SLF2: variants seen among roughly 807,000 people sequenced by gnomAD.
SLF2 encodes SMC5-SMC6 complex localization factor protein 2.
In SLF2, 68 loss-of-function variants were observed where a neutral mutation model predicts 124.3. The ratio of observed to expected loss-of-function variants is 0.55; its 90% CI spans 0.45 to 0.67. SLF2 has a LOEUF of 0.67. Among genes scored for constraint, SLF2 ranks in the 30% least tolerant of loss-of-function variants. The pLI is 0.00. For missense variants in SLF2, 1,246 were observed against 1,373.7 expected, an observed-to-expected ratio of 0.91 and a Z score of 1.47; for synonymous variants, 480 against 478.8, an observed-to-expected ratio of 1.00 and a Z score of -0.03.
At chr10:100,942,753 G>T (rs1290651959) in intron 11 of SLF2, among the ~76,000 whole-genome samples, 1 of 151,994 alleles carries the variant, frequency 6.6e-6, no homozygotes, top group African/African-American at 2.4e-5. Flanking sequence ...TCCTGACCTC[G>T]GGTGATCTGC....
At chr10:100,920,865 C>A (rs894915378) in intron 4 of SLF2, among the ~76,000 whole-genome samples, 8 of 152,200 alleles carry the variant, frequency 5.3e-5, no homozygotes, top group Non-Finnish European at 1.5e-5. Context: ...AGGAAAATTG[C>A]TTGAACCTGG....
chr10:100,915,098 T>C (rs981588381), intron 1 of SLF2, among the ~76,000 whole-genome samples: 7 of 152,202 alleles, frequency 4.6e-5, no homozygotes, highest in African/African-American at 1.7e-4. Flanking sequence ...ACTTTAGCAT[T>C]ATTGCCAATG....
chr10:100,930,907 TTGG>T, intron 8 of SLF2, 66 bp from the exon 9 acceptor site: 1 of 1,142,828 alleles, frequency 8.8e-7, no homozygotes, highest in Non-Finnish European at 1.3e-6. Context: ...GTCAGATGTG[TTGG>T]TGGTGATAGT....
intron 9 of SLF2, among the ~76,000 whole-genome samples, chr10:100,932,010 TA>T (rs1849745775): frequency 6.6e-6 from 1 of 151,674 alleles, no homozygotes; most frequent in Admixed American, 6.6e-5. Context: ...AAAAGACATT[TA>T]TATGGGAGGG....
At position 100,964,697 on chromosome 10, in the gene SLF2, T is replaced by C. The variant is rs1436530231; in HGVS notation, c.*2785T>C. The C allele has an allele frequency of 1.3e-5, 2 of 152,600 alleles. No individual in the cohort carries two copies. Among genetic ancestry groups the C allele is most frequent in the African/African-American group, 4.8e-5 (2 of 41,446 alleles). The allele number at this position is 152,600 out of a possible 1,614,324, so 9.5% of individuals were successfully genotyped here. ...TGGAGTATTTGCATTTTTATTTTTA[T>C]CAAAACAAATATAATTGGTGGGGAC... On this transcript the variant is annotated 3_prime_UTR_variant, in exon 20 of 20. Coordinates refer to ENST00000238961, the MANE Select transcript of SLF2 (RefSeq NM_018121.4).
chr10:100,948,385 A>T (rs184634058), intron 15 of SLF2, among the ~76,000 whole-genome samples: 2 of 152,314 alleles, frequency 1.3e-5, no homozygotes, highest in East Asian at 3.9e-4. Context: ...CGTCCCAGCT[A>T]CTTGGGAGGC....
rs1279709335 is a variant in SLF2 at position 100,956,481 on chromosome 10, G to C, written c.3361G>C (p.Glu1121Gln). Residue 1121 changes from glutamate (E) to glutamine (Q), a missense_variant, in exon 18 of 20, where the codon GAA becomes CAA. Around this residue, in one of 3 missense-constraint regions of SLF2, gnomAD observed 535 missense variants for 632.8 expected, o/e 0.85. Transcript: ENST00000238961. ...CTTTGTGCTACTCTGTGGGGCTTTG[G>C]AAAAGCATGTTAAATGTGATATTAG... is the stretch of plus-strand genomic sequence containing the variant. ...KHFVLLCGAL[E>Q]KHVKCDIRED... The C allele has an allele frequency of 1.2e-6, 2 of 1,613,308 alleles. No individual in the cohort carries two copies. The highest frequency in any genetic ancestry group is 1.7e-6 in the Non-Finnish European group (2 of 1,179,794).
chr10:100,933,785 T>C (rs1312055808), intron 9 of SLF2, among the ~76,000 whole-genome samples: 2 of 152,178 alleles, frequency 1.3e-5, no homozygotes, highest in East Asian at 3.9e-4. Flanking sequence ...GTTCAAGCAA[T>C]TCTCCTGCTC....
At chr10:100,960,819 CA>C (rs1564787308) in intron 19 of SLF2, among the ~76,000 whole-genome samples, 3 of 151,484 alleles carry the variant, frequency 2.0e-5, no homozygotes, top group East Asian at 3.9e-4. Flanking sequence ...CTAAGAGGGA[CA>C]TTTTTTTTAA....
At chr10:100,961,409 A>T (rs1373546791) in intron 19 of SLF2, among the ~76,000 whole-genome samples, 6 of 152,144 alleles carry the variant, frequency 3.9e-5, no homozygotes, top group Non-Finnish European at 8.8e-5. Context: ...CTTATATTTT[A>T]TATCAAAATA....
intron 18 of SLF2, among the ~76,000 whole-genome samples, chr10:100,956,746 A>C (rs1384028408): frequency 6.6e-6 from 1 of 152,040 alleles, no homozygotes; most frequent in East Asian, 1.9e-4. Flanking sequence ...GCAACATAGC[A>C]AGACTCCATC....
chr10:100,938,625 G>GA lies in SLF2; in HGVS notation c.2543_2544insA (p.Trp848Ter), dbSNP rs759760551. 6.2e-7 allele frequency: 1 copy of GA among 1,611,004 alleles called. No homozygotes were observed. Among genetic ancestry groups the GA allele is most frequent in the Non-Finnish European group, 8.5e-7 (1 of 1,179,004 alleles). ...DTFSDSPVWP[W>*]IPSLSDVAAV... ...TTCAGTGACTCACCAGTTTGGCCAT[G>GA]GATCCCATCATTGTCTGATGTAGCA... is the stretch of plus-strand genomic sequence containing the variant. The change falls in exon 11 of 20, where the codon TGG (tryptophan) becomes TGAG (stop). Residue 848 changes from tryptophan to a stop codon, truncating the protein, a stop_gained and frameshift_variant. Transcript: ENST00000238961. LOFTEE classifies it high-confidence loss of function.
chr10:100,929,745 A>G, intron 7 of SLF2, 85 bp from the exon 8 acceptor site: 1 of 1,064,900 alleles, frequency 9.4e-7, no homozygotes, highest in South Asian at 1.7e-5. Context: ...GGCTTAAAAA[A>G]TGGTTTTCTT....
Position 100,924,504 on chromosome 10 carries a change from AG to A in SLF2, c.1504del (p.Asp502IlefsTer92). On this transcript the variant is annotated frameshift_variant, in exon 5 of 20. Coordinates refer to ENST00000238961, the MANE Select transcript of SLF2 (RefSeq NM_018121.4). LOFTEE classifies it high-confidence loss of function. ...KNCALPVSKK[D>X]KERSSSKECS... ...ATTGTGCTCTTCCAGTTTCTAAAAA[AG>A]ATAAAGAGCGTTCCTCATCTAAAGA... 1 of 1,614,150 alleles carries A rather than the reference AG, an allele frequency of 6.2e-7. No individual in the cohort carries two copies. Among genetic ancestry groups the A allele is most frequent in the Non-Finnish European group, 8.5e-7 (1 of 1,180,030 alleles).
At chr10:100,947,478 A>C (rs1382482810) in intron 14 of SLF2, among the ~76,000 whole-genome samples, 1 of 152,156 alleles carries the variant, frequency 6.6e-6, no homozygotes, top group Non-Finnish European at 1.5e-5. Context: ...GTAAAAATAA[A>C]TTTCATCAGT....
At chr10:100,932,720 T>TGTGTGC (rs763852210) in intron 9 of SLF2, among the ~76,000 whole-genome samples, 6,357 of 35,790 alleles carry the variant, frequency 0.18, 189 homozygotes, top group Non-Finnish European at 0.26. Context: ...TGTGTGTGTG[T>TGTGTGC]GCGCGCGCGC....
At chr10:100,949,454 A>G (rs1308252170) in intron 15 of SLF2, among the ~76,000 whole-genome samples, 4 of 152,200 alleles carry the variant, frequency 2.6e-5, no homozygotes, top group East Asian at 1.9e-4. Context: ...TCAGAATTCA[A>G]TGACTTCTAA....
chr10:100,916,182 G>T, intron 2 of SLF2, 140 bp downstream of exon 2: 1 of 613,772 alleles, frequency 1.6e-6, no homozygotes, highest in Non-Finnish European at 2.8e-6. Context: ...GCAGTATTTT[G>T]TTTTACAAGG....
chr10:100,960,298 T>C (rs1850404705), intron 19 of SLF2, among the ~76,000 whole-genome samples: 1 of 152,242 alleles, frequency 6.6e-6, no homozygotes, highest in Non-Finnish European at 1.5e-5. Context: ...GGAAGTCAAA[T>C]TGCTGGGCCA....
Sources: allele counts gnomAD v4.1 joint callset (sites outside exome capture counted in the v4.1 genomes callset), GRCh38; gene constraint gnomAD v4.1.1; regional missense constraint gnomAD v4.1.1; transcripts MANE v1.5; gene names NCBI Gene and HGNC (gene_info 2026-07-23, HGNC 2026-07-21).